Variants in UTP18 observed in about 807,000 individuals in gnomAD.
UTP18 encodes the protein UTP18 small subunit processome component.
A neutral mutation model predicts 61.1 loss-of-function variants in UTP18; 36 were observed. The observed-to-expected ratio is 0.59, with a 90% CI of 0.45 to 0.78. UTP18 has a LOEUF of 0.78. UTP18 is among the 30% of genes least tolerant of loss of function. The pLI is 0.00. For synonymous variants in UTP18, 282 were observed against 251.1 expected (o/e 1.12, Z -1.16); for missense variants, 753 against 693.9 (o/e 1.09, Z -0.96).
chr17:51,283,011 G>A (rs914163169), intron 9 of UTP18, among the ~76,000 whole-genome samples: 3 of 151,482 alleles, frequency 2.0e-5, no homozygotes, highest in African/African-American at 7.3e-5. Context: ...TGGAATTACA[G>A]GCGCATACCG....
intron 6 of UTP18, 110 bp downstream of exon 6, chr17:51,276,101 C>T (rs981445930): frequency 2.3e-5 from 26 of 1,108,426 alleles, no homozygotes; most frequent in Non-Finnish European, 3.2e-5. Context: ...ATAGCTAAAA[C>T]ATCATAGCCC....
chr17:51,267,382 G>A (rs9894562), intron 3 of UTP18, among the ~76,000 whole-genome samples: 4,340 of 151,584 alleles, frequency 0.029, 197 homozygotes, highest in African/African-American at 0.098. Context: ...GCATTTTAAA[G>A]TGTAAATTTG....
rs1411083536 is a variant in UTP18, at chr17:51,260,843, G to A, written c.259G>A (p.Val87Met). The A allele has an allele frequency of 2.5e-6, 4 of 1,600,046 alleles. No homozygotes were observed. The highest frequency in any genetic ancestry group is 1.1e-5 in the South Asian group (1 of 89,090). The change falls in exon 1 of 14, where the codon GTG becomes ATG. Residue 87 changes from valine (V) to methionine (M), a missense_variant. Transcript: ENST00000225298. The stretch of plus-strand genomic sequence containing the variant: ...GAGGCTGGAGGAGGACAAACCGGCC[G>A]TGGAGCGGTGCTTGGAGGAGCTGGT... The part of the protein sequence containing the change: ...RLRLEEDKPA[V>M]ERCLEELVFG...
At position 51,260,942 on chromosome 17, in the gene UTP18, G is replaced by A. The variant is rs1340073792; in HGVS notation, c.342+16G>A. The A allele has an allele frequency of 3.9e-6, 6 of 1,525,732 alleles. No homozygotes were observed. Among genetic ancestry groups the A allele is most frequent in the Non-Finnish European group, 5.3e-6 (6 of 1,140,008 alleles). The allele number at this position is 1,525,732 out of a possible 1,614,324, so 94.5% of individuals were successfully genotyped here. On this transcript the variant is annotated intron_variant, in intron 1 of 13. Coordinates refer to ENST00000225298, the MANE Select transcript of UTP18 (RefSeq NM_016001.3). ...AGGCCCGAGGGTGAGGGAGGCCGCG[G>A]CGCGCGGGCTGGGCGCACTCGGGCG...
chr17:51,281,470 G>A (rs1904922780), intron 9 of UTP18, among the ~76,000 whole-genome samples: 1 of 151,854 alleles, frequency 6.6e-6, no homozygotes, highest in Admixed American at 6.6e-5. Flanking sequence ...AACCTTCAGG[G>A]GGCAAAGGAA....
intron 7 of UTP18, 100 bp downstream of exon 7, chr17:51,277,404 A>T: frequency 7.5e-7 from 1 of 1,327,876 alleles, no homozygotes; most frequent in Non-Finnish European, 1.0e-6. Context: ...GATTCTTAAA[A>T]ATAAGAGTTT....
At chr17:51,265,760 C>T (rs9908910) in intron 2 of UTP18, among the ~76,000 whole-genome samples, 15,410 of 151,468 alleles carry the variant, frequency 0.1, 1,423 homozygotes, top group African/African-American at 0.25. Flanking sequence ...GATGGTGTTT[C>T]ACCACGTTGG....
intron 9 of UTP18, among the ~76,000 whole-genome samples, chr17:51,281,346 A>G (rs1477097772): frequency 1.3e-5 from 2 of 151,952 alleles, no homozygotes; most frequent in Non-Finnish European, 2.9e-5. Context: ...GCTTATTTAA[A>G]AGATTATTCA....
intron 11 of UTP18, among the ~76,000 whole-genome samples, chr17:51,291,252 TG>T (rs1347881648): frequency 2.0e-5 from 3 of 152,184 alleles, no homozygotes; most frequent in African/African-American, 4.8e-5. Context: ...CCTTTTAAAA[TG>T]GGGGCTATAA....
At chr17:51,289,940 A>T (rs1025804559) in intron 11 of UTP18, among the ~76,000 whole-genome samples, 6 of 152,062 alleles carry the variant, frequency 3.9e-5, no homozygotes, top group African/African-American at 1.4e-4. Flanking sequence ...TAGATTCCAC[A>T]TTTTTTTCTA....
intron 3 of UTP18, among the ~76,000 whole-genome samples, chr17:51,268,342 C>T (rs1279625908): frequency 1.3e-5 from 2 of 152,186 alleles, no homozygotes; most frequent in Admixed American, 6.5e-5. Context: ...CCAGTTCTTA[C>T]GAACACAGCT....
At chr17:51,281,517 T>A (rs898648851) in intron 9 of UTP18, among the ~76,000 whole-genome samples, 1 of 152,126 alleles carries the variant, frequency 6.6e-6, no homozygotes, top group Non-Finnish European at 1.5e-5. Context: ...TTAACATTCT[T>A]GAAATGATGA....
At chr17:51,276,465 C>T (rs1247725778) in intron 6 of UTP18, among the ~76,000 whole-genome samples, 1 of 152,126 alleles carries the variant, frequency 6.6e-6, no homozygotes, top group South Asian at 2.1e-4. Context: ...TATATTCTCT[C>T]TACAAAAACG....
At chr17:51,263,423 C>A (rs753567959) in intron 2 of UTP18, 37 bp downstream of exon 2, 1 of 1,460,222 alleles carries the variant, frequency 6.8e-7, no homozygotes, top group Non-Finnish European at 9.4e-7. Context: ...TCCCTCTGTA[C>A]ACTTAAAAAA....
chr17:51,268,233 A>G (rs576882875), intron 3 of UTP18, among the ~76,000 whole-genome samples: 229 of 152,178 alleles, frequency 1.5e-3, no homozygotes, highest in Non-Finnish European at 2.2e-3. Flanking sequence ...TCACCATGTT[A>G]GCCAGGATGG....
In UTP18 at chr17:51,260,851, G is replaced by C; in HGVS notation, c.267G>C (p.Arg89=). 1 of 1,601,086 alleles carries C rather than the reference G, an allele frequency of 6.2e-7. No homozygotes were observed. The highest frequency in any genetic ancestry group is 8.5e-7 in the Non-Finnish European group (1 of 1,174,720). The change falls in exon 1 of 14, where the codon CGG becomes CGC. Residue 89 remains arginine (R), a synonymous_variant. Coordinates refer to ENST00000225298, the MANE Select transcript of UTP18 (RefSeq NM_016001.3). The part of the protein sequence containing the change: ...RLEEDKPAVE[R]CLEELVFGDV... ...AGGAGGACAAACCGGCCGTGGAGCGGTGCTTGGAGGAGCTGGTCTTCGGCG... is the reference window on the plus strand; with the variant it reads ...AGGAGGACAAACCGGCCGTGGAGCGCTGCTTGGAGGAGCTGGTCTTCGGCG...
intron 4 of UTP18, among the ~76,000 whole-genome samples, chr17:51,270,332 G>A (rs762880005): frequency 4.6e-5 from 7 of 151,974 alleles, no homozygotes; most frequent in Non-Finnish European, 8.8e-5. Flanking sequence ...AACATCCCTC[G>A]TTATTTTGAC....
intron 1 of UTP18, among the ~76,000 whole-genome samples, chr17:51,261,905 G>A (rs1337302822): frequency 6.6e-6 from 1 of 152,084 alleles, no homozygotes; most frequent in African/African-American, 2.4e-5. Flanking sequence ...AACTATTACT[G>A]GAAACATGCT....
Position 51,263,153 on chromosome 17 carries a change from C to T in UTP18, c.343-121C>T. ...CATTTGCAATGGTAGCATTCCATCC[C>T]ATTATTTCATCAGAGAGTGGTAGAA... is the stretch of plus-strand genomic sequence containing the variant. On this transcript the variant is annotated intron_variant, in intron 1 of 13. Coordinates refer to ENST00000225298, the MANE Select transcript of UTP18 (RefSeq NM_016001.3). The T allele has an allele frequency of 5.2e-6, 4 of 763,618 alleles. No homozygotes were observed. In the South Asian group the frequency reaches 7.1e-5, roughly 13 times the overall value. 47.3% of individuals were successfully genotyped at this position (763,618 alleles called of 1,614,324 possible).
Sources: gnomAD v4.1 joint callset for allele counts (sites outside exome capture counted in the v4.1 genomes callset) on GRCh38, gnomAD v4.1.1 for gene constraint, MANE v1.5 for transcripts, NCBI Gene and HGNC (gene_info 2026-07-23, HGNC 2026-07-21) for gene names.